Variants in EBF1 observed in about 807,000 individuals in gnomAD.
EBF1 encodes the protein EBF transcription factor 1.
A neutral mutation model predicts 68.4 loss-of-function variants in EBF1; 10 were observed. The observed-to-expected ratio is 0.15, with a 90% CI of 0.09 to 0.25. The LOEUF (loss-of-function observed/expected upper bound fraction) is 0.25, where lower values mean the gene tolerates loss of function less well. Ranked by LOEUF, EBF1 falls within the 10% of genes least tolerant of loss-of-function variation. The pLI is 1.00. For missense variants in EBF1, 509 were observed against 794.4 expected, an observed-to-expected ratio of 0.64 and a Z score of 4.32; for synonymous variants, 298 against 299.8, an observed-to-expected ratio of 0.99 and a Z score of 0.06.
chr5:158,822,729 A>T (rs1396098124), intron 8 of EBF1, among the ~76,000 whole-genome samples: 1 of 152,208 alleles, frequency 6.6e-6, no homozygotes, highest in Non-Finnish European at 1.5e-5. Flanking sequence ...ATACACCAGG[A>T]GGGTGGTAAA....
At position 158,909,946 on chromosome 5, in the gene EBF1, ACT is replaced by A. The variant is rs1442886610; in HGVS notation, c.555-69838_555-69837del. On this transcript the variant is annotated intron_variant, in intron 6 of 15. Coordinates refer to ENST00000313708, the MANE Select transcript of EBF1 (RefSeq NM_024007.5). ...CACTCCAGCCTGGTGACAGAACGAG[ACT>A]CTGTCTATAAAAAAAAAAAAAAAAA... Among the ~76,000 whole-genome samples the A allele has an allele frequency of 1.5e-4, 16 of 107,142 alleles. No homozygotes were observed. In the Admixed American group the frequency reaches 1.6e-3, roughly 11 times the overall value. The allele number at this position is 107,142 out of a possible 152,430, so 70.3% of individuals were successfully genotyped here. A position where few individuals can be genotyped will look rare whatever the true frequency, so the allele number is the denominator to read the frequency against.
At chr5:159,056,539 T>A (rs1270336487) in intron 6 of EBF1, among the ~76,000 whole-genome samples, 1 of 152,228 alleles carries the variant, frequency 6.6e-6, no homozygotes, top group Non-Finnish European at 1.5e-5. Context: ...ACCCATGACT[T>A]CTGCCCTTCC....
At chr5:158,991,891 C>T (rs1184763692) in intron 6 of EBF1, among the ~76,000 whole-genome samples, 45 of 152,134 alleles carry the variant, frequency 3.0e-4, no homozygotes, top group Non-Finnish European at 2.9e-5. Context: ...CCATTTCACC[C>T]CTCTCCAATG....
chr5:158,875,235 A>G (rs1425295136), intron 6 of EBF1, among the ~76,000 whole-genome samples: 2 of 152,212 alleles, frequency 1.3e-5, no homozygotes, highest in Admixed American at 1.3e-4. Flanking sequence ...GAATGAAGGT[A>G]TGAATTTGTC....
At chr5:158,917,895 A>T (rs1807566491) in intron 6 of EBF1, among the ~76,000 whole-genome samples, 1 of 152,156 alleles carries the variant, frequency 6.6e-6, no homozygotes, top group African/African-American at 2.4e-5. Context: ...TAGAACTCAG[A>T]TATCCCATGA....
At chr5:158,988,230 G>GC (rs985417968) in intron 6 of EBF1, among the ~76,000 whole-genome samples, 6 of 152,062 alleles carry the variant, frequency 3.9e-5, no homozygotes, top group South Asian at 2.1e-4. Context: ...CCTGCCCAGT[G>GC]CCCCCCCTTC....
At chr5:158,836,946 G>T (rs1221725453) in intron 7 of EBF1, among the ~76,000 whole-genome samples, 1 of 152,220 alleles carries the variant, frequency 6.6e-6, no homozygotes, top group East Asian at 1.9e-4. Flanking sequence ...CATTGTCAGT[G>T]TCAGAGTTCA....
At chr5:158,856,070 C>T (rs1793941831) in intron 6 of EBF1, among the ~76,000 whole-genome samples, 1 of 152,218 alleles carries the variant, frequency 6.6e-6, no homozygotes, top group Admixed American at 6.5e-5. Context: ...GAAGAAGCTA[C>T]AGGCAGGTAT....
intron 4 of EBF1, among the ~76,000 whole-genome samples, chr5:159,090,610 T>C (rs1326474821): frequency 6.6e-6 from 1 of 152,148 alleles, no homozygotes; most frequent in East Asian, 1.9e-4. Context: ...CCAAAAGCAG[T>C]TAGCTTTAGA....
intron 6 of EBF1, among the ~76,000 whole-genome samples, chr5:159,059,548 A>G (rs1318388473): frequency 6.6e-6 from 1 of 152,234 alleles, no homozygotes; most frequent in Non-Finnish European, 1.5e-5. Flanking sequence ...TTATTCCAGT[A>G]TGCATTTGAG....
At position 158,782,386 on chromosome 5, in the gene EBF1, T is replaced by C. The variant is rs999400385; in HGVS notation, c.910-4847A>G. ...CTAAAGTAGTTAACTTGGCCTGGTG[T>C]GGTGGCTCACATCTGTAATCTCAAC... On this transcript the variant is annotated intron_variant, in intron 9 of 15. Coordinates refer to ENST00000313708, the MANE Select transcript of EBF1 (RefSeq NM_024007.5). 2.0e-5 allele frequency among the ~76,000 whole-genome samples: 3 copies of C among 152,148 alleles called. No individual in the cohort carries two copies. The South Asian group carries it at 6.2e-4, about 32-fold the overall frequency.
chr5:159,002,027 T>G (rs763033346), intron 6 of EBF1, among the ~76,000 whole-genome samples: 4 of 152,156 alleles, frequency 2.6e-5, no homozygotes, highest in African/African-American at 4.8e-5. Flanking sequence ...CTAATTCAAT[T>G]TTGTAATGGT....
chr5:159,034,816 T>G (rs1769697226), intron 6 of EBF1, among the ~76,000 whole-genome samples: 3 of 152,016 alleles, frequency 2.0e-5, no homozygotes, highest in Admixed American at 2.0e-4. Flanking sequence ...ATGATGGAGC[T>G]CCAGGTAATA....
chr5:158,783,489 C>G (rs1776823419), intron 9 of EBF1, among the ~76,000 whole-genome samples: 1 of 152,134 alleles, frequency 6.6e-6, no homozygotes, highest in African/African-American at 2.4e-5. Context: ...ATACTATATT[C>G]ATAAGAAATA....
intron 6 of EBF1, among the ~76,000 whole-genome samples, chr5:158,864,585 G>T (rs1006930403): frequency 6.6e-6 from 1 of 151,994 alleles, no homozygotes; most frequent in Non-Finnish European, 1.5e-5. Context: ...TGACTTTCTA[G>T]TGGGGAAAAA....
intron 6 of EBF1, among the ~76,000 whole-genome samples, chr5:159,041,532 A>G (rs1479336722): frequency 6.6e-6 from 1 of 152,102 alleles, no homozygotes; most frequent in Non-Finnish European, 1.5e-5. Flanking sequence ...CATTTTAGTC[A>G]CTTCTAGAAA....
chr5:158,772,959 G>A (rs377004063), intron 10 of EBF1, among the ~76,000 whole-genome samples: 4 of 152,108 alleles, frequency 2.6e-5, no homozygotes, highest in African/African-American at 7.2e-5. Context: ...TGGTTTAGAG[G>A]CATCATATGA....
intron 6 of EBF1, among the ~76,000 whole-genome samples, chr5:158,876,748 C>T (rs1050984894): frequency 2.6e-5 from 4 of 152,280 alleles, no homozygotes; most frequent in Admixed American, 6.5e-5. Flanking sequence ...CGCCACCTAC[C>T]GCAGCAGCTG....
intron 6 of EBF1, among the ~76,000 whole-genome samples, chr5:158,842,358 A>C (rs1310954371): frequency 6.6e-6 from 1 of 152,220 alleles, no homozygotes; most frequent in Non-Finnish European, 1.5e-5. Context: ...CACTGAAGAC[A>C]TGAAAACTGG....
Sources: gnomAD v4.1 joint callset for allele counts (sites outside exome capture counted in the v4.1 genomes callset) on GRCh38, gnomAD v4.1.1 for gene constraint, MANE v1.5 for transcripts, NCBI Gene and HGNC (gene_info 2026-07-23, HGNC 2026-07-21) for gene names.